RORA: variants seen among roughly 807,000 people sequenced by gnomAD.
The protein encoded by RORA is nuclear receptor ROR-alpha.
A neutral mutation model predicts 69.5 loss-of-function variants in RORA; 7 were observed. That is an observed-to-expected ratio of 0.10 (90% confidence interval 0.06 to 0.19). The LOEUF is 0.19. RORA is among the 10% of genes least tolerant of loss of function. The pLI is 1.00. For synonymous variants in RORA, 261 were observed against 240.8 expected (o/e 1.08, Z -0.78); for missense variants, 457 against 663.0 (o/e 0.69, Z 3.41).
chr15:60,523,037 C>CA lies in RORA; in HGVS notation c.283-8281dup, dbSNP rs1463114584. 1.8e-3 allele frequency among the ~76,000 whole-genome samples: 143 copies of CA among 80,182 alleles called. 2 individuals are homozygous for CA. Among genetic ancestry groups the CA allele is most frequent in the African/African-American group, 4.0e-3 (84 of 21,016 alleles). 52.6% of individuals were successfully genotyped at this position (80,182 alleles called of 152,430 possible). A position where few individuals can be genotyped will look rare whatever the true frequency, so the allele number is the denominator to read the frequency against. Reference sequence around the variant, plus strand: ...TGGGCAACAGGGCGAGACTCTGCCTCAAAAAAAAAACACAAAAAAAAAAAC... The same window carrying CA: ...TGGGCAACAGGGCGAGACTCTGCCTCAAAAAAAAAAACACAAAAAAAAAAAC... On this transcript the variant is annotated intron_variant, in intron 3 of 10. Coordinates refer to ENST00000335670, the MANE Select transcript of RORA (RefSeq NM_134261.3).
At chr15:60,833,115 A>G (rs2073068717) in intron 1 of RORA, among the ~76,000 whole-genome samples, 1 of 151,952 alleles carries the variant, frequency 6.6e-6, no homozygotes, top group African/African-American at 2.4e-5. Context: ...CGTGTTAGCC[A>G]GGATGGTCTC....
chr15:60,935,386 G>A (rs1892490934), intron 1 of RORA, among the ~76,000 whole-genome samples: 1 of 152,234 alleles, frequency 6.6e-6, no homozygotes, highest in Non-Finnish European at 1.5e-5. Context: ...CACAAGCTGA[G>A]GAAAATGGAC....
At chr15:60,514,980 T>C (rs1158587635) in intron 3 of RORA, among the ~76,000 whole-genome samples, 3 of 152,214 alleles carry the variant, frequency 2.0e-5, no homozygotes, top group East Asian at 3.8e-4. Flanking sequence ...TGCAAAACTT[T>C]CTTTAACTTC....
At position 60,772,819 on chromosome 15, in the gene RORA, C is replaced by G. The variant is rs117317166; in HGVS notation, c.167-94133G>C. Reference sequence around the variant, plus strand: ...CCCCTGCACTGCGATTCCTCCTCCTCACACCCACATTCCAGGCTCAATTAG... The same window carrying G: ...CCCCTGCACTGCGATTCCTCCTCCTGACACCCACATTCCAGGCTCAATTAG... On this transcript the variant is annotated intron_variant, in intron 1 of 10. Transcript: ENST00000335670. 4.5e-3 allele frequency among the ~76,000 whole-genome samples: 678 copies of G among 152,320 alleles called. 5 individuals carry two copies. The highest frequency in any genetic ancestry group is 0.022 in the East Asian group (112 of 5,180).
intron 2 of RORA, among the ~76,000 whole-genome samples, chr15:60,658,150 G>A (rs1266188315): frequency 2.0e-5 from 3 of 151,498 alleles, no homozygotes. Flanking sequence ...GCGTGATCTC[G>A]GATCACTGCA....
intron 1 of RORA, among the ~76,000 whole-genome samples, chr15:61,228,722 T>C (rs995925554): frequency 6.6e-6 from 1 of 151,860 alleles, no homozygotes; most frequent in African/African-American, 2.4e-5. Flanking sequence ...ATCTCCGTAT[T>C]TTGGGGGAGC....
At chr15:61,027,926 C>G (rs1234131683) in intron 1 of RORA, among the ~76,000 whole-genome samples, 1 of 152,198 alleles carries the variant, frequency 6.6e-6, no homozygotes, top group South Asian at 2.1e-4. Context: ...CTGTGAGTAC[C>G]TAACCCACAG....
intron 3 of RORA, among the ~76,000 whole-genome samples, chr15:60,515,198 G>A (rs1405645424): frequency 6.6e-6 from 1 of 152,220 alleles, no homozygotes; most frequent in Non-Finnish European, 1.5e-5. Context: ...CTAGGGCACT[G>A]TGAACCTGGT....
chr15:60,788,191 G>C (rs1249990352), intron 1 of RORA, among the ~76,000 whole-genome samples: 4 of 152,220 alleles, frequency 2.6e-5, no homozygotes, highest in Admixed American at 2.0e-4. Context: ...GGCTGAGTGA[G>C]CATCATGTGC....
intron 2 of RORA, among the ~76,000 whole-genome samples, chr15:60,571,322 T>TG (rs2067874947): frequency 6.6e-6 from 1 of 151,028 alleles, no homozygotes; most frequent in African/African-American, 2.5e-5. Context: ...TTCCTGTGTT[T>TG]TTGTGTGTGT....
rs572949509 is a variant in RORA, at chr15:60,684,748, C to G, written c.167-6062G>C. ...TGTGTTGAGTGATAATGAACAAAGT[C>G]TTGAATTGGCCCAACTCATGTCTCT... On this transcript the variant is annotated intron_variant, in intron 1 of 10. Coordinates refer to ENST00000335670, the MANE Select transcript of RORA (RefSeq NM_134261.3). Among the ~76,000 whole-genome samples, 6 of 152,220 alleles carry G rather than the reference C, an allele frequency of 3.9e-5. No homozygotes were observed. In the East Asian group the frequency reaches 9.6e-4, roughly 24 times the overall value.
chr15:60,979,132 T>G (rs901464242), intron 1 of RORA, among the ~76,000 whole-genome samples: 2 of 151,536 alleles, frequency 1.3e-5, no homozygotes, highest in Admixed American at 6.6e-5. Flanking sequence ...TGGCTAATTT[T>G]TTTTTGTATT....
intron 2 of RORA, among the ~76,000 whole-genome samples, chr15:60,550,769 T>C (rs1805230800): frequency 1.3e-5 from 2 of 152,156 alleles, no homozygotes; most frequent in Non-Finnish European, 2.9e-5. Context: ...TCTGAAATAA[T>C]AAAAGCTCAA....
intron 1 of RORA, among the ~76,000 whole-genome samples, chr15:61,228,743 G>A (rs1408497387): frequency 1.3e-5 from 2 of 151,996 alleles, no homozygotes; most frequent in African/African-American, 2.4e-5. Flanking sequence ...GTATTTAATT[G>A]AGGCAACGCA....
intron 1 of RORA, among the ~76,000 whole-genome samples, chr15:61,109,063 G>C (rs112127673): frequency 6.6e-6 from 1 of 152,098 alleles, no homozygotes; most frequent in Non-Finnish European, 1.5e-5. Flanking sequence ...GGGTGTGGTG[G>C]TGCACGCCTG....
At chr15:61,110,731 T>C (rs907147469) in intron 1 of RORA, among the ~76,000 whole-genome samples, 2 of 152,212 alleles carry the variant, frequency 1.3e-5, no homozygotes, top group African/African-American at 4.8e-5. Context: ...TAGAACTCTC[T>C]TCCACTACTT....
At chr15:60,690,454 A>G (rs913240284) in intron 1 of RORA, among the ~76,000 whole-genome samples, 8 of 152,178 alleles carry the variant, frequency 5.3e-5, no homozygotes, top group Admixed American at 5.2e-4. Flanking sequence ...GAGACAGGAG[A>G]GAGCACCCAG....
intron 1 of RORA, among the ~76,000 whole-genome samples, chr15:60,960,440 C>A (rs987371117): frequency 6.6e-6 from 1 of 152,088 alleles, no homozygotes; most frequent in Non-Finnish European, 1.5e-5. Flanking sequence ...TTAGGCAATA[C>A]AATTGTCCAT....
intron 2 of RORA, among the ~76,000 whole-genome samples, chr15:60,670,713 T>C (rs867491296): frequency 2.7e-4 from 41 of 152,104 alleles, no homozygotes; most frequent in African/African-American, 9.9e-4. Context: ...CAAAGGAAAA[T>C]ATTTAATTGA....
Sources: gnomAD v4.1 joint callset for allele counts (sites outside exome capture counted in the v4.1 genomes callset) on GRCh38, gnomAD v4.1.1 for gene constraint, MANE v1.5 for transcripts, NCBI Gene and HGNC (gene_info 2026-07-23, HGNC 2026-07-21) for gene names.